Variants in SYT17 observed in about 807,000 individuals in gnomAD.
SYT17 encodes synaptotagmin 17.
Under a neutral mutation model 46.7 loss-of-function variants are expected in SYT17, and 22 were observed. The ratio of observed to expected loss-of-function variants is 0.47; its 90% CI spans 0.34 to 0.67. The LOEUF is 0.67. Among genes scored for constraint, SYT17 ranks in the 30% least tolerant of loss-of-function variants. The probability of loss-of-function intolerance (pLI) is 0.01; values close to 1 mark genes in which losing one functional copy is unlikely to be tolerated. For missense variants in SYT17, 519 were observed against 612.8 expected, an observed-to-expected ratio of 0.85 and a Z score of 1.62; for synonymous variants, 251 against 248.4, an observed-to-expected ratio of 1.01 and a Z score of -0.10.
At position 19,267,107 on chromosome 16, in the gene SYT17, T is replaced by TTAA. The variant is rs1969420659; in HGVS notation, c.*31_*32insTAA. 10 of 1,312,360 alleles carry TTAA rather than the reference T, an allele frequency of 7.6e-6. No individual in the cohort carries two copies. Among genetic ancestry groups the TTAA allele is most frequent in the South Asian group, 6.7e-5 (4 of 59,630 alleles). 81.3% of individuals were successfully genotyped at this position (1,312,360 alleles called of 1,614,324 possible). A position where few individuals can be genotyped will look rare whatever the true frequency, so the allele number is the denominator to read the frequency against. On this transcript the variant is annotated 3_prime_UTR_variant, in exon 8 of 8. Transcript: ENST00000355377. ...GCAGGGAAGGCAGCTTTCATTTGTT[T>TTAA]AAAAAAAAAAAAAAAAGACGGAAAA...
intron 7 of SYT17, among the ~76,000 whole-genome samples, chr16:19,225,793 A>G (rs1003821736): frequency 3.3e-5 from 5 of 152,228 alleles, no homozygotes; most frequent in African/African-American, 9.7e-5. Context: ...AACTCACAAC[A>G]TGACTTTCAT....
At chr16:19,190,491 G>T (rs946541782) in intron 5 of SYT17, among the ~76,000 whole-genome samples, 2 of 152,096 alleles carry the variant, frequency 1.3e-5, no homozygotes, top group African/African-American at 4.8e-5. Context: ...ACATTGTTGT[G>T]CAACCATCAC....
chr16:19,188,442 G>A (rs1294742130), intron 5 of SYT17, among the ~76,000 whole-genome samples: 1 of 127,666 alleles, frequency 7.8e-6, no homozygotes, highest in Non-Finnish European at 1.6e-5. Flanking sequence ...CATGACACGA[G>A]TTTACCTATG....
At chr16:19,229,867 T>C (rs9931239) in intron 7 of SYT17, among the ~76,000 whole-genome samples, 35,264 of 152,124 alleles carry the variant, frequency 0.23, 4,249 homozygotes, top group Middle Eastern at 0.31. Flanking sequence ...AATGGAATAT[T>C]ACTCAGTCTT....
intron 7 of SYT17, among the ~76,000 whole-genome samples, chr16:19,235,157 GCT>G (rs1470937155): frequency 1.3e-5 from 2 of 152,172 alleles, no homozygotes; most frequent in African/African-American, 2.4e-5. Context: ...GCCCCTGAGA[GCT>G]ACAGTATGGG....
chr16:19,201,710 A>G, intron 5 of SYT17, among the ~76,000 whole-genome samples: 1 of 150,762 alleles, frequency 6.6e-6, no homozygotes, highest in Non-Finnish European at 1.5e-5. Flanking sequence ...GATCTATTAG[A>G]TTCTTACAGT....
chr16:19,211,517 G>A (rs1965899981), intron 5 of SYT17: 2 of 702,238 alleles, frequency 2.8e-6, no homozygotes, highest in East Asian at 2.7e-5. Flanking sequence ...GAGGCAGAGG[G>A]GTGTTTTCAA....
At position 19,211,133 on chromosome 16, in the gene SYT17, A is replaced by G. The variant is rs1475454796; in HGVS notation, c.952-11912A>G. 10 of 357,372 alleles carry G rather than the reference A, an allele frequency of 2.8e-5. No homozygotes were observed. In the South Asian group the frequency reaches 6.6e-4, roughly 24 times the overall value. 22.1% of individuals were successfully genotyped at this position (357,372 alleles called of 1,614,324 possible). A position where few individuals can be genotyped will look rare whatever the true frequency, so the allele number is the denominator to read the frequency against. ...ATTTTGGTTCTCCCTAGCCCACCCC[A>G]CGTGGTTCGACCAAATTAAGCGCAT... On this transcript the variant is annotated intron_variant, in intron 5 of 7. Transcript: ENST00000355377.
chr16:19,172,922 T>G, intron 2 of SYT17, 145 bp downstream of exon 2: 1 of 1,014,112 alleles, frequency 9.9e-7, no homozygotes, highest in Non-Finnish European at 1.4e-6. Flanking sequence ...CATTCCTTTC[T>G]ACCGAAAGGA....
intron 7 of SYT17, among the ~76,000 whole-genome samples, chr16:19,235,205 C>T (rs773043285): frequency 2.0e-5 from 3 of 152,112 alleles, no homozygotes; most frequent in Non-Finnish European, 4.4e-5. Context: ...AGAATAGGTT[C>T]CATAAAACTG....
intron 7 of SYT17, chr16:19,250,185 T>C (rs1967941269): frequency 8.9e-7 from 1 of 1,119,180 alleles, no homozygotes; most frequent in African/African-American, 1.6e-5. Context: ...CCCATATTTC[T>C]ACCCATCAGA....
rs559424751 is a variant in SYT17 at position 19,201,671 on chromosome 16, T to TAA, written c.951+17543_951+17544dup. ...AGTAGCTACAAGGGATGCCCCTGCT[T>TAA]AAAAAAAAAAAAAAAAAAAAGACCA... On this transcript the variant is annotated intron_variant, in intron 5 of 7. Transcript: ENST00000355377. Among the ~76,000 whole-genome samples the TAA allele has an allele frequency of 7.5e-3, 941 of 126,094 alleles. 13 individuals carry two copies. The highest frequency in any genetic ancestry group is 0.027 in the African/African-American group (902 of 33,740). The allele number at this position is 126,094 out of a possible 152,430, so 82.7% of individuals were successfully genotyped here. A position where few individuals can be genotyped will look rare whatever the true frequency, so the allele number is the denominator to read the frequency against.
At chr16:19,252,109 C>G (rs561306248) in intron 7 of SYT17, among the ~76,000 whole-genome samples, 119 of 151,644 alleles carry the variant, frequency 7.8e-4, no homozygotes, top group African/African-American at 2.6e-3. Flanking sequence ...TTGCAGTGAG[C>G]TGACATCATG....
At chr16:19,193,150 C>T (rs1422119938) in intron 5 of SYT17, among the ~76,000 whole-genome samples, 1 of 152,228 alleles carries the variant, frequency 6.6e-6, no homozygotes, top group Non-Finnish European at 1.5e-5. Flanking sequence ...GCTGGCGTGG[C>T]AAGTGCTGTG....
chr16:19,173,573 C>T lies in SYT17; in HGVS notation c.177C>T (p.Pro59=). 1 of 1,613,474 alleles carries T rather than the reference C, an allele frequency of 6.2e-7. No homozygotes were observed. The highest frequency in any genetic ancestry group is 8.5e-7 in the Non-Finnish European group (1 of 1,179,876). The change falls in exon 3 of 8, where the codon CCC becomes CCT. Residue 59 remains proline (P), a synonymous_variant. Transcript: ENST00000355377. The stretch of plus-strand genomic sequence containing the variant: ...GACCTTTCCCTGCTCAGACCCCTCC[C>T]TGGCTGTAAGTAAAACTGCTCTGAA... ...ILGPFPAQTP[P]WLMASRSSDK...
chr16:19,231,147 T>C (rs1208775834), intron 7 of SYT17, among the ~76,000 whole-genome samples: 1 of 152,166 alleles, frequency 6.6e-6, no homozygotes, highest in East Asian at 1.9e-4. Flanking sequence ...ATCTGTCTTC[T>C]TGGAGGTAAA....
chr16:19,181,795 T>C (rs1262683060), intron 4 of SYT17, among the ~76,000 whole-genome samples: 2 of 151,610 alleles, frequency 1.3e-5, no homozygotes, highest in African/African-American at 4.8e-5. Flanking sequence ...AGGTCAGGAC[T>C]TCGAGACCAG....
At chr16:19,234,991 C>A (rs142292146) in intron 7 of SYT17, among the ~76,000 whole-genome samples, 1 of 152,252 alleles carries the variant, frequency 6.6e-6, no homozygotes, top group East Asian at 1.9e-4. Context: ...AACTCAGATG[C>A]AGAACCAGGC....
chr16:19,174,204 C>T (rs748122013), intron 3 of SYT17, among the ~76,000 whole-genome samples: 1 of 152,198 alleles, frequency 6.6e-6, no homozygotes, highest in East Asian at 1.9e-4. Context: ...TCTCCTCCCG[C>T]GCCTGCATAC....
Sources: allele counts gnomAD v4.1 joint callset (sites outside exome capture counted in the v4.1 genomes callset), GRCh38; gene constraint gnomAD v4.1.1; transcripts MANE v1.5; gene names NCBI Gene and HGNC (gene_info 2026-07-23, HGNC 2026-07-21).